Variants in SORCS2 observed in about 807,000 individuals in gnomAD.
The protein encoded by SORCS2 is sortilin related VPS10 domain containing receptor 2.
Under a neutral mutation model 141.6 loss-of-function variants are expected in SORCS2, and 100 were observed. That is an observed-to-expected ratio of 0.71 (90% CI 0.60 to 0.83). SORCS2 has a LOEUF of 0.83. SORCS2 is among the 40% of genes least tolerant of loss of function. The probability of loss-of-function intolerance (pLI) is 0.00; values close to 1 mark genes in which losing one functional copy is unlikely to be tolerated. For missense variants in SORCS2, 1,646 were observed against 1,560.2 expected (o/e 1.05, Z -0.93); for synonymous variants, 789 against 676.9 (o/e 1.17, Z -2.57).
rs1286392667 is a variant in SORCS2 at position 7,286,878 on chromosome 4, C to T, written c.480+93752C>T. 2.6e-5 allele frequency among the ~76,000 whole-genome samples: 4 copies of T among 152,244 alleles called. No individual in the cohort carries two copies. Among genetic ancestry groups the T allele is most frequent in the Admixed American group, 6.5e-5 (1 of 15,304 alleles). ...AGGTCCCAAGAGGAAAGTGTCCTGA[C>T]GGAGCTTCAGTAGCTGAAAGTGGGT... On this transcript the variant is annotated intron_variant, in intron 1 of 26. Transcript: ENST00000507866. This position sits in a 1 kb window ranked among gnomAD's most constrained non-coding sequence, Gnocchi z 4.1.
intron 1 of SORCS2, among the ~76,000 whole-genome samples, chr4:7,364,115 TCAC>T (rs72444327): frequency 2.6e-5 from 4 of 151,810 alleles, no homozygotes; most frequent in African/African-American, 9.7e-5. Flanking sequence ...ATTGTCACCA[TCAC>T]CACCACCACC....
At chr4:7,721,697 A>G (rs1371708665) in intron 18 of SORCS2, among the ~76,000 whole-genome samples, 2 of 152,194 alleles carry the variant, frequency 1.3e-5, no homozygotes, top group Non-Finnish European at 2.9e-5. Context: ...GTGTCTGCAA[A>G]GGGCACCCGG....
intron 1 of SORCS2, among the ~76,000 whole-genome samples, chr4:7,255,859 CTGGAGCGTGGGGCCCCGG>C (rs1713825682): frequency 1.1e-4 from 1 of 8,726 alleles, no homozygotes; most frequent in Admixed American, 7.6e-4. Context: ...GGACCCGGGG[CTGGAGCGTGGGGCCCCGG>C]GGCTGGAGCG....
chr4:7,695,490 G>T (rs184352398), intron 11 of SORCS2, among the ~76,000 whole-genome samples: 1 of 55,932 alleles, frequency 1.8e-5, no homozygotes, highest in Non-Finnish European at 3.4e-5. Flanking sequence ...GTGAGTGGAT[G>T]GGTGGGTGGG....
chr4:7,274,939 C>A (rs1281821580), intron 1 of SORCS2, among the ~76,000 whole-genome samples: 88 of 152,164 alleles, frequency 5.8e-4, no homozygotes, highest in Non-Finnish European at 1.6e-4. Context: ...ATGTGGCATG[C>A]CCACAACACG....
intron 2 of SORCS2, among the ~76,000 whole-genome samples, chr4:7,525,412 G>C (rs1165024640): frequency 6.6e-6 from 1 of 151,958 alleles, no homozygotes; most frequent in Non-Finnish European, 1.5e-5. Flanking sequence ...TCCACAGTGG[G>C]CTGCCCAGGG....
chr4:7,661,301 GCTCA>G (rs1722147357), intron 5 of SORCS2, among the ~76,000 whole-genome samples, 195 bp from the exon 6 acceptor site: 1 of 151,500 alleles, frequency 6.6e-6, no homozygotes, highest in Non-Finnish European at 1.5e-5. Context: ...AACCCCCTCA[GCTCA>G]CTCAAGGAAA....
intron 3 of SORCS2, among the ~76,000 whole-genome samples, chr4:7,569,558 C>T (rs1441698041): frequency 6.6e-6 from 1 of 152,148 alleles, no homozygotes; most frequent in Non-Finnish European, 1.5e-5. Context: ...GAGGATAGTG[C>T]TGTGTGTGTA....
At chr4:7,249,573 G>A (rs1292544824) in intron 1 of SORCS2, among the ~76,000 whole-genome samples, 3 of 152,162 alleles carry the variant, frequency 2.0e-5, no homozygotes, top group South Asian at 2.1e-4. Flanking sequence ...AGGGCTTCTA[G>A]GGCGCCAGGT....
Position 7,538,532 on chromosome 4 carries a change from T to A in SORCS2, c.648+6903T>A, listed in dbSNP as rs527567251. On this transcript the variant is annotated intron_variant, in intron 3 of 26. Transcript: ENST00000507866. ...AGCATTGTGTTTTATATGAAAAATT[T>A]ATGTGAATGGGCATCTTACTCCATT... Among the ~76,000 whole-genome samples, 42 of 152,330 alleles carry A rather than the reference T, an allele frequency of 2.8e-4. No individual in the cohort carries two copies. In the South Asian group the frequency reaches 8.5e-3, roughly 31 times the overall value.
intron 2 of SORCS2, among the ~76,000 whole-genome samples, chr4:7,512,679 C>G (rs1226207327): frequency 6.6e-6 from 1 of 152,046 alleles, no homozygotes; most frequent in Non-Finnish European, 1.5e-5. Flanking sequence ...CCTCCCCGCC[C>G]TGCTCAGTCC....
At chr4:7,594,642 C>G (rs1717139898) in intron 3 of SORCS2, among the ~76,000 whole-genome samples, 1 of 152,118 alleles carries the variant, frequency 6.6e-6, no homozygotes, top group African/African-American at 2.4e-5. Flanking sequence ...TTAGGAAGCC[C>G]CTAATTTACA....
chr4:7,274,415 G>A (rs1560156685), intron 1 of SORCS2, among the ~76,000 whole-genome samples: 1 of 152,196 alleles, frequency 6.6e-6, no homozygotes, highest in East Asian at 1.9e-4. Flanking sequence ...TTTGCAGGCT[G>A]TACAGGAAGC....
rs1042424523 is a variant in SORCS2 at position 7,233,078 on chromosome 4, G to A, written c.480+39952G>A. On this transcript the variant is annotated intron_variant, in intron 1 of 26. Coordinates refer to ENST00000507866, the MANE Select transcript of SORCS2 (RefSeq NM_020777.3). The surrounding 1 kb of genome is among the most constrained non-coding windows in gnomAD (Gnocchi z 4.5). ...CAGCTGAGCCCAGGAGTCAGGCTTCGGCACCCGCATGTTCAACTACTGCCT... is the reference window on the plus strand; with the variant it reads ...CAGCTGAGCCCAGGAGTCAGGCTTCAGCACCCGCATGTTCAACTACTGCCT... Among the ~76,000 whole-genome samples the A allele has an allele frequency of 5.9e-5, 9 of 152,138 alleles. No individual in the cohort carries two copies. Among genetic ancestry groups the A allele is most frequent in the African/African-American group, 4.8e-5 (2 of 41,424 alleles).
intron 1 of SORCS2, among the ~76,000 whole-genome samples, chr4:7,283,292 C>G (rs369278840): frequency 2.0e-5 from 3 of 152,164 alleles, no homozygotes; most frequent in African/African-American, 7.2e-5. Flanking sequence ...GGGAGAGGGT[C>G]GAGGAGAGAA....
chr4:7,625,627 G>A (rs1433578857), intron 3 of SORCS2, among the ~76,000 whole-genome samples: 1 of 151,810 alleles, frequency 6.6e-6, no homozygotes, highest in Non-Finnish European at 1.5e-5. Context: ...GATGGTCACT[G>A]GACTCAAAGC....
intron 1 of SORCS2, among the ~76,000 whole-genome samples, chr4:7,220,051 C>T (rs1728612654): frequency 6.6e-6 from 1 of 152,196 alleles, no homozygotes; most frequent in African/African-American, 2.4e-5. Context: ...CAGTTTAGAA[C>T]AACAGCTGCC....
intron 1 of SORCS2, among the ~76,000 whole-genome samples, chr4:7,388,075 TACACAC>T (rs56113759): frequency 6.7e-5 from 10 of 150,156 alleles, no homozygotes; most frequent in South Asian, 6.4e-4. Flanking sequence ...TACACAGAGA[TACACAC>T]ACACATGCAC....
intron 3 of SORCS2, among the ~76,000 whole-genome samples, chr4:7,605,214 G>A (rs115318416): frequency 0.036 from 5,449 of 152,284 alleles, 150 homozygotes; most frequent in Non-Finnish European, 0.046. Flanking sequence ...TATCCCAGTC[G>A]TTGGAAAGGA....
Sources: gnomAD v4.1 joint callset for allele counts (sites outside exome capture counted in the v4.1 genomes callset) on GRCh38, gnomAD v4.1.1 for gene constraint, Gnocchi (gnomAD v3.1) non-coding constraint, MANE v1.5 for transcripts, NCBI Gene and HGNC (gene_info 2026-07-23, HGNC 2026-07-21) for gene names.